Variants in CACNB2 observed in about 807,000 individuals in gnomAD.
CACNB2 encodes calcium voltage-gated channel auxiliary subunit beta 2, also known as voltage-dependent L-type calcium channel subunit beta-2.
Under a neutral mutation model 73.3 loss-of-function variants are expected in CACNB2, and 42 were observed. The ratio of observed to expected loss-of-function variants is 0.57; its 90% CI spans 0.45 to 0.74. The LOEUF (loss-of-function observed/expected upper bound fraction) is 0.74. CACNB2 is among the 30% of genes least tolerant of loss of function. The pLI is 0.00. For missense variants in CACNB2, 940 were observed against 853.0 expected (o/e 1.10, Z -1.27); for synonymous variants, 348 against 310.3 (o/e 1.12, Z -1.28).
chr10:18,292,027 C>T (rs993999142), intron 2 of CACNB2, among the ~76,000 whole-genome samples: 1 of 152,118 alleles, frequency 6.6e-6, no homozygotes, highest in Non-Finnish European at 1.5e-5. Context: ...AGGTTTGCTT[C>T]ACCTTTGCAT....
chr10:18,296,162 C>A (rs2039275863), intron 2 of CACNB2, among the ~76,000 whole-genome samples: 2 of 152,020 alleles, frequency 1.3e-5, no homozygotes, highest in Admixed American at 6.6e-5. Flanking sequence ...ATCTAGATTA[C>A]TGGTCTTTCC....
chr10:18,283,508 A>G (rs2038648523), intron 2 of CACNB2, among the ~76,000 whole-genome samples: 1 of 152,184 alleles, frequency 6.6e-6, no homozygotes, highest in Admixed American at 6.5e-5. Context: ...GGATGAGTTC[A>G]TGTCCTTTGT....
intron 2 of CACNB2, among the ~76,000 whole-genome samples, chr10:18,161,496 G>T (rs557238652): frequency 6.6e-6 from 1 of 151,682 alleles, no homozygotes; most frequent in African/African-American, 2.4e-5. Context: ...TGAGCCAGGG[G>T]TCTTCTTTCT....
At chr10:18,277,487 C>G (rs951608797) in intron 2 of CACNB2, among the ~76,000 whole-genome samples, 1 of 152,246 alleles carries the variant, frequency 6.6e-6, no homozygotes, top group South Asian at 2.1e-4. Context: ...TCTAATACAA[C>G]GAGGAAAATA....
At chr10:18,383,009 C>T (rs139126432) in intron 2 of CACNB2, among the ~76,000 whole-genome samples, 42 of 152,246 alleles carry the variant, frequency 2.8e-4, no homozygotes, top group African/African-American at 9.6e-4. Context: ...CAGGATGGCA[C>T]GGGTGCTGTT....
At position 18,404,921 on chromosome 10, in the gene CACNB2, A is replaced by G. The variant is rs57475150; in HGVS notation, c.333+2878A>G. 1.9e-3 allele frequency among the ~76,000 whole-genome samples: 295 copies of G among 152,356 alleles called. 1 individual carries two copies. Among genetic ancestry groups the G allele is most frequent in the African/African-American group, 6.9e-3 (289 of 41,590 alleles). On this transcript the variant is annotated intron_variant, in intron 3 of 13. Coordinates refer to ENST00000324631, the MANE Select transcript of CACNB2 (RefSeq NM_201596.3). ...AGATTAGATGTTAATTTTGAGGCCA[A>G]TAAATACCAACTGACATGACATTGT... is the stretch of plus-strand genomic sequence containing the variant.
intron 3 of CACNB2, among the ~76,000 whole-genome samples, chr10:18,453,719 T>G (rs1043165104): frequency 6.6e-6 from 1 of 152,206 alleles, no homozygotes; most frequent in African/African-American, 2.4e-5. Flanking sequence ...AACCTCTGCC[T>G]CCCAGGTTCA....
At chr10:18,515,196 C>T (rs2051155490) in intron 7 of CACNB2, among the ~76,000 whole-genome samples, 1 of 152,216 alleles carries the variant, frequency 6.6e-6, no homozygotes, top group African/African-American at 2.4e-5. Flanking sequence ...CAGCGAGGCT[C>T]CTTGTCCCCT....
At chr10:18,155,019 T>C (rs558939202) in intron 2 of CACNB2, among the ~76,000 whole-genome samples, 41 of 152,332 alleles carry the variant, frequency 2.7e-4, no homozygotes, top group African/African-American at 7.0e-4. Flanking sequence ...AATATATAAT[T>C]AGGCTTGAAA....
chr10:18,203,586 C>G (rs1345231191), intron 2 of CACNB2, among the ~76,000 whole-genome samples: 2 of 151,886 alleles, frequency 1.3e-5, no homozygotes, highest in Admixed American at 6.6e-5. Flanking sequence ...AAATAAACAC[C>G]CACACGTACA....
chr10:18,273,161 T>C (rs956246554), intron 2 of CACNB2, among the ~76,000 whole-genome samples: 3 of 152,150 alleles, frequency 2.0e-5, no homozygotes, highest in Non-Finnish European at 4.4e-5. Flanking sequence ...AGTCTATCTT[T>C]TGAGGTGAGT....
At chr10:18,291,461 G>T (rs188935051) in intron 2 of CACNB2, among the ~76,000 whole-genome samples, 1 of 152,296 alleles carries the variant, frequency 6.6e-6, no homozygotes, top group East Asian at 1.9e-4. Flanking sequence ...CGGATGTTGT[G>T]GCTATACAGA....
At chr10:18,531,730 T>C (rs746375699) in intron 10 of CACNB2, 12 of 152,206 alleles carry the variant, frequency 7.9e-5, no homozygotes, top group Non-Finnish European at 1.5e-4. Context: ...TGGTATCCCA[T>C]TGTGGTTTGA....
chr10:18,376,327 A>G (rs992686506), intron 2 of CACNB2, among the ~76,000 whole-genome samples: 1 of 152,194 alleles, frequency 6.6e-6, no homozygotes, highest in Non-Finnish European at 1.5e-5. Flanking sequence ...GATAGAGAGT[A>G]GAAGCATGTA....
At chr10:18,288,685 A>G (rs2038910970) in intron 2 of CACNB2, among the ~76,000 whole-genome samples, 1 of 151,802 alleles carries the variant, frequency 6.6e-6, no homozygotes, top group African/African-American at 2.4e-5. Context: ...ATACACACAC[A>G]CACACACACA....
At chr10:18,516,876 G>A (rs565419369) in intron 7 of CACNB2, among the ~76,000 whole-genome samples, 52 of 151,154 alleles carry the variant, frequency 3.4e-4, no homozygotes, top group African/African-American at 1.0e-3. Context: ...AATTAATTCT[G>A]AATGCTAGGT....
intron 3 of CACNB2, among the ~76,000 whole-genome samples, chr10:18,429,330 T>C (rs1222342761): frequency 6.6e-6 from 1 of 152,168 alleles, no homozygotes; most frequent in Non-Finnish European, 1.5e-5. Context: ...CTGTCTTTGG[T>C]GTGGTGTCAT....
At chr10:18,285,315 T>G (rs2038739429) in intron 2 of CACNB2, among the ~76,000 whole-genome samples, 1 of 152,204 alleles carries the variant, frequency 6.6e-6, no homozygotes. Flanking sequence ...TTAGGGTTTC[T>G]TGGAATGCTT....
At chr10:18,263,758 C>G (rs1409172992) in intron 2 of CACNB2, among the ~76,000 whole-genome samples, 4 of 152,118 alleles carry the variant, frequency 2.6e-5, no homozygotes. Flanking sequence ...ATTAGGTTGC[C>G]TCCGCTCACT....
Sources: gnomAD v4.1 joint callset for allele counts (sites outside exome capture counted in the v4.1 genomes callset) on GRCh38, gnomAD v4.1.1 for gene constraint, MANE v1.5 for transcripts, NCBI Gene and HGNC (gene_info 2026-07-23, HGNC 2026-07-21) for gene names.